CD44: variants seen among roughly 807,000 people sequenced by gnomAD.
The protein encoded by CD44 is CD44 molecule (IN blood group).
A neutral mutation model predicts 88.8 loss-of-function variants in CD44; 49 were observed. The observed-to-expected ratio is 0.55, with a 90% CI of 0.44 to 0.70. The LOEUF is 0.70. Ranked by LOEUF, CD44 falls within the 30% of genes least tolerant of loss-of-function variation. The pLI, the probability that CD44 is intolerant of heterozygous loss-of-function variation, is 0.00. For missense variants in CD44, 883 were observed against 913.8 expected (o/e 0.97, Z 0.43); for synonymous variants, 325 against 312.3 (o/e 1.04, Z -0.43).
chr11:35,192,658 G>C (rs1946373701), intron 5 of CD44, among the ~76,000 whole-genome samples: 1 of 152,142 alleles, frequency 6.6e-6, no homozygotes. Flanking sequence ...TGTTTATCTT[G>C]AGTGTCATCA....
chr11:35,145,077 T>C (rs1036384367), intron 1 of CD44, among the ~76,000 whole-genome samples: 1 of 152,248 alleles, frequency 6.6e-6, no homozygotes, highest in East Asian at 1.9e-4. Flanking sequence ...GAAGGATCTA[T>C]GTGTGTGGTG....
chr11:35,155,252 C>G (rs538487402), intron 1 of CD44, among the ~76,000 whole-genome samples: 4 of 152,294 alleles, frequency 2.6e-5, no homozygotes, highest in East Asian at 1.9e-4. Context: ...TGAGGTCTCA[C>G]CTGTCCTGAA....
rs1950062749 is a variant in CD44 at position 35,231,666 on chromosome 11, G to A, written c.*2333G>A. On this transcript the variant is annotated 3_prime_UTR_variant, in exon 18 of 18. Coordinates refer to ENST00000428726, the MANE Select transcript of CD44 (RefSeq NM_000610.4). Reference sequence around the variant, plus strand: ...ACATTGCCTGAAGTTTATGGAATAAGATGTATTCTCACTCCCTTGATCTCA... The same window carrying A: ...ACATTGCCTGAAGTTTATGGAATAAAATGTATTCTCACTCCCTTGATCTCA... The A allele has an allele frequency of 6.6e-6, 1 of 152,158 alleles. No homozygotes were observed. Among genetic ancestry groups the A allele is most frequent in the Non-Finnish European group, 1.5e-5 (1 of 68,022 alleles). 9.4% of individuals were successfully genotyped at this position (152,158 alleles called of 1,614,324 possible).
rs1303529324 is a variant in CD44, at chr11:35,223,122, A to G, written c.2024+1390A>G. 4 of 985,436 alleles carry G rather than the reference A, an allele frequency of 4.1e-6. No homozygotes were observed. The East Asian group carries it at 3.4e-4, about 84-fold the overall frequency. 61.0% of individuals were successfully genotyped at this position (985,436 alleles called of 1,614,324 possible). ...CATTGAGGGCATAGTTTTAAAAAGT[A>G]GTTATGCTACCTGATTGTATAAGGA... On this transcript the variant is annotated intron_variant, in intron 17 of 17. Transcript: ENST00000428726.
chr11:35,184,695 C>A (rs893019534), intron 3 of CD44, among the ~76,000 whole-genome samples: 1 of 152,290 alleles, frequency 6.6e-6, no homozygotes, highest in Admixed American at 6.5e-5. Flanking sequence ...GAAACATGCT[C>A]ATCTTCTTTT....
chr11:35,177,913 T>A (rs1241194928), intron 2 of CD44, among the ~76,000 whole-genome samples: 1 of 152,252 alleles, frequency 6.6e-6, no homozygotes, highest in African/African-American at 2.4e-5. Context: ...GCTACTGTAC[T>A]GGATGACCCA....
intron 16 of CD44, among the ~76,000 whole-genome samples, chr11:35,220,239 C>G (rs796203248): frequency 6.6e-5 from 10 of 152,268 alleles, no homozygotes; most frequent in African/African-American, 2.4e-4. Context: ...ACAGGGGAAG[C>G]CTTAGCTGTC....
Position 35,180,301 on chromosome 11 carries a change from G to A in CD44, c.261G>A (p.Val87=). ...CRYGFIEGHV[V]IPRIHPNSIC... Reference sequence around the variant, plus strand: ...ATGGGTTCATAGAAGGGCACGTGGTGATTCCCCGGATCCACCCCAACTCCA... The same window carrying A: ...ATGGGTTCATAGAAGGGCACGTGGTAATTCCCCGGATCCACCCCAACTCCA... The change falls in exon 3 of 18, where the codon GTG becomes GTA. Residue 87 remains valine, a synonymous_variant. Coordinates refer to ENST00000428726, the MANE Select transcript of CD44 (RefSeq NM_000610.4). The A allele has an allele frequency of 1.2e-6, 2 of 1,614,120 alleles. No homozygotes were observed. Among genetic ancestry groups the A allele is most frequent in the South Asian group, 2.2e-5 (2 of 91,082 alleles).
intron 3 of CD44, among the ~76,000 whole-genome samples, chr11:35,181,357 G>A (rs1944970198): frequency 6.6e-6 from 1 of 152,102 alleles, no homozygotes; most frequent in Admixed American, 6.5e-5. Flanking sequence ...TCAGGCTTAT[G>A]AGCCTTATTC....
intron 5 of CD44, 58 bp downstream of exon 5, chr11:35,190,123 A>G: frequency 1.4e-6 from 2 of 1,445,862 alleles, no homozygotes; most frequent in Non-Finnish European, 1.9e-6. Context: ...AATGTCTCTG[A>G]CCTTCCTGAG....
chr11:35,193,940 G>A (rs374645125), intron 5 of CD44, among the ~76,000 whole-genome samples: 18 of 152,182 alleles, frequency 1.2e-4, no homozygotes, highest in African/African-American at 3.1e-4. Context: ...AGGCTGATGC[G>A]TGTGGGCGGA....
chr11:35,229,303 G>A lies in CD44; in HGVS notation c.2199G>A (p.Leu733=), dbSNP rs1476335616. ...QFMTADETRN[L]QNVDMKIGV is the part of the protein sequence containing the mutation. ...TGACAGCTGATGAGACAAGGAACCT[G>A]CAGAATGTGGACATGAAGATTGGGG... The change falls in exon 18 of 18, where the codon CTG becomes CTA. Residue 733 remains leucine (L), a synonymous_variant. Transcript: ENST00000428726. 2 of 1,613,282 alleles carry A rather than the reference G, an allele frequency of 1.2e-6. No individual in the cohort carries two copies. Among genetic ancestry groups the A allele is most frequent in the Admixed American group, 3.3e-5 (2 of 59,986 alleles).
intron 1 of CD44, among the ~76,000 whole-genome samples, chr11:35,157,367 C>CT (rs56061152): frequency 1.9e-4 from 29 of 149,570 alleles, no homozygotes; most frequent in Admixed American, 2.0e-4. Flanking sequence ...ATCTATCTAT[C>CT]ATCTGTCTGT....
chr11:35,217,275 T>TC (rs1199706892), intron 15 of CD44, among the ~76,000 whole-genome samples: 8 of 151,704 alleles, frequency 5.3e-5, no homozygotes, highest in African/African-American at 1.7e-4. Context: ...TTCTTTTTTT[T>TC]TTTTTTTAAA....
chr11:35,185,031 C>T (rs2133817160), intron 3 of CD44, among the ~76,000 whole-genome samples: 1 of 152,190 alleles, frequency 6.6e-6, no homozygotes, highest in East Asian at 1.9e-4. Context: ...ATCTGTGGAG[C>T]TTATACATTT....
chr11:35,221,417 A>T (rs1471627358), intron 16 of CD44, among the ~76,000 whole-genome samples: 1 of 152,208 alleles, frequency 6.6e-6, no homozygotes, highest in East Asian at 1.9e-4. Context: ...GTTCTCCTGA[A>T]GGGACTTGAA....
chr11:35,158,540 G>A (rs1319923891), intron 1 of CD44, among the ~76,000 whole-genome samples: 1 of 152,156 alleles, frequency 6.6e-6, no homozygotes, highest in Admixed American at 6.5e-5. Flanking sequence ...TTGATAGAAC[G>A]ACTGGCATGG....
Position 35,219,377 on chromosome 11 carries a change from C to A in CD44, c.1935C>A (p.Pro645=). ...CAACCTCTGGTCCTATAAGGACACC[C>A]CAAATTCCAGGTGAGTTTCAAACTT... ...ANTTSGPIRT[P]QIPEWLIILA... The change falls in exon 16 of 18, where the codon CCC becomes CCA. Residue 645 remains proline (P), a synonymous_variant. Coordinates refer to ENST00000428726, the MANE Select transcript of CD44 (RefSeq NM_000610.4). 1 of 1,612,918 alleles carries A rather than the reference C, an allele frequency of 6.2e-7. No homozygotes were observed. The highest frequency in any genetic ancestry group is 8.5e-7 in the Non-Finnish European group (1 of 1,179,126).
At chr11:35,218,486 G>A (rs1949020433) in intron 15 of CD44, among the ~76,000 whole-genome samples, 1 of 152,118 alleles carries the variant, frequency 6.6e-6, no homozygotes. Flanking sequence ...ATGCCACTAT[G>A]CCTGGCTAAT....
Sources: allele counts gnomAD v4.1 joint callset (sites outside exome capture counted in the v4.1 genomes callset), GRCh38; gene constraint gnomAD v4.1.1; transcripts MANE v1.5; gene names NCBI Gene and HGNC (gene_info 2026-07-23, HGNC 2026-07-21).